The following ZSWIM8 variants were observed in gnomAD, a reference collection of about 807,000 sequenced individuals.
ZSWIM8 encodes the protein zinc finger SWIM-type containing 8.
A neutral mutation model predicts 173.7 loss-of-function variants in ZSWIM8; 27 were observed. The ratio of observed to expected loss-of-function variants is 0.16; its 90% CI spans 0.11 to 0.21. The LOEUF (loss-of-function observed/expected upper bound fraction) is 0.21. ZSWIM8 is among the 10% of genes least tolerant of loss of function. The probability of loss-of-function intolerance (pLI) is 1.00; values close to 1 mark genes in which losing one functional copy is unlikely to be tolerated. For missense variants in ZSWIM8, 1,627 were observed against 2,428.8 expected (o/e 0.67, Z 6.94); for synonymous variants, 958 against 962.0 (o/e 1.00, Z 0.08).
At position 73,792,438 on chromosome 10, in the gene ZSWIM8, G is replaced by A. The variant is rs1369062778; in HGVS notation, c.1899G>A (p.Glu633=). The A allele has an allele frequency of 1.2e-6, 2 of 1,606,010 alleles. No homozygotes were observed. The highest frequency in any genetic ancestry group is 8.5e-7 in the Non-Finnish European group (1 of 1,176,150). Residue 633 remains glutamate (E), a synonymous_variant, in exon 10 of 26, where the codon GAG becomes GAA. Transcript: ENST00000604729. This position sits in a 1 kb window ranked among gnomAD's most constrained non-coding sequence, Gnocchi z 4.3. ...ACAGCAGCCTGGCCCTGGGCGCAGA[G>A]GCCAGCACCTTCGGGGGATTCCCTG... ...LDDSSLALGA[E]ASTFGGFPES... is the part of the protein sequence containing the mutation.
Position 73,792,878 on chromosome 10 carries a change from T to C in ZSWIM8, c.2313+26T>C. 6.6e-7 allele frequency: 1 copy of C among 1,521,654 alleles called. No individual in the cohort carries two copies. Among genetic ancestry groups the C allele is most frequent in the Non-Finnish European group, 8.8e-7 (1 of 1,140,278 alleles). The allele number at this position is 1,521,654 out of a possible 1,614,324, so 94.3% of individuals were successfully genotyped here. On this transcript the variant is annotated intron_variant, in intron 10 of 25. Transcript: ENST00000604729. This position sits in a 1 kb window ranked among gnomAD's most constrained non-coding sequence, Gnocchi z 4.3. ...GTGAGGGGATGGAAGGAGGGAGGGC[T>C]GGGTGCTCCTTAGCCACAACTGGGA...
At position 73,800,888 on chromosome 10, in the gene ZSWIM8, G is replaced by A; in HGVS notation, c.5122+129G>A. On this transcript the variant is annotated intron_variant, in intron 24 of 25. Transcript: ENST00000604729. This position sits in a 1 kb window ranked among gnomAD's most constrained non-coding sequence, Gnocchi z 4.1. ...GGTCGGGTATGTGTGCGTGCGCGGG[G>A]GGCGGAGGGTTACCTCAGCTCCTGG... 1 of 1,197,002 alleles carries A rather than the reference G, an allele frequency of 8.4e-7. No homozygotes were observed. Among genetic ancestry groups the A allele is most frequent in the Non-Finnish European group, 1.2e-6 (1 of 852,854 alleles). The allele number at this position is 1,197,002 out of a possible 1,614,324, so 74.1% of individuals were successfully genotyped here.
rs759232614 is a variant in ZSWIM8, at chr10:73,789,587, C to G, written c.630+48C>G. On this transcript the variant is annotated intron_variant, in intron 4 of 25. Coordinates refer to ENST00000604729, the MANE Select transcript of ZSWIM8 (RefSeq NM_001367799.1). The surrounding 1 kb of genome is among the most constrained non-coding windows in gnomAD (Gnocchi z 6.8). ...CGGCCCTATCCTACACTCCATCCCCCCCTTCTCTGCTGCATGCCTGGCTAC... is the reference window on the plus strand; with the variant it reads ...CGGCCCTATCCTACACTCCATCCCCGCCTTCTCTGCTGCATGCCTGGCTAC... The G allele has an allele frequency of 8.2e-6, 13 of 1,590,132 alleles. No individual in the cohort carries two copies. Among genetic ancestry groups the G allele is most frequent in the Admixed American group, 5.2e-5 (3 of 57,584 alleles).
At position 73,797,471 on chromosome 10, in the gene ZSWIM8, C is replaced by T; in HGVS notation, c.3528C>T (p.Thr1176=). ...RRPLRGGWAP[T]SWGRGQDSDS... ...CACTTCGAGGGGGCTGGGCCCCCAC[C>T]TCCTGGGGTCGAGGTCAGGACAGTG... Residue 1176 remains threonine (T), a synonymous_variant, in exon 18 of 26, where the codon ACC becomes ACT. Coordinates refer to ENST00000604729, the MANE Select transcript of ZSWIM8 (RefSeq NM_001367799.1). This position sits in a 1 kb window ranked among gnomAD's most constrained non-coding sequence, Gnocchi z 5.6. The T allele has an allele frequency of 6.2e-7, 1 of 1,613,950 alleles. No homozygotes were observed. Among genetic ancestry groups the T allele is most frequent in the Non-Finnish European group, 8.5e-7 (1 of 1,179,876 alleles).
intron 7 of ZSWIM8, among the ~76,000 whole-genome samples, chr10:73,790,718 G>A (rs1286169015): frequency 1.3e-5 from 2 of 152,010 alleles, no homozygotes; most frequent in Non-Finnish European, 2.9e-5. Context: ...GCGTGGTGGC[G>A]GGCGCCTGTA....
Position 73,796,778 on chromosome 10 carries a change from T to C in ZSWIM8, c.3038T>C (p.Leu1013Ser). The change falls in exon 16 of 26, where the codon TTA (leucine) becomes TCA (serine). Residue 1013 changes from leucine to serine, a missense_variant. Physicochemically the swap from Leu to Ser is moderately radical, Grantham distance 145. This residue lies in a region of ZSWIM8 where 163 missense variants were observed against 193.2 expected (regional missense o/e 0.84). Transcript: ENST00000604729. Reference sequence around the variant, plus strand: ...GTCACTGCTTCTGTCTTCCAGATCTTAGACAAACTCTTGGACCGAGAGAGC... The same window carrying C: ...GTCACTGCTTCTGTCTTCCAGATCTCAGACAAACTCTTGGACCGAGAGAGC... ...KDDQAKLKKI[L>S]DKLLDRESQT... 1 of 1,613,060 alleles carries C rather than the reference T, an allele frequency of 6.2e-7. No individual in the cohort carries two copies. Among genetic ancestry groups the C allele is most frequent in the Non-Finnish European group, 8.5e-7 (1 of 1,179,858 alleles).
Position 73,785,950 on chromosome 10 carries a change from G to C in ZSWIM8, c.72G>C (p.Glu24Asp). 1.3e-6 allele frequency: 2 copies of C among 1,566,096 alleles called. No homozygotes were observed. The highest frequency in any genetic ancestry group is 1.7e-6 in the Non-Finnish European group (2 of 1,155,490). ...TCGAGGATTCGGACCGTTTTGAGGAGGATTCACTCTGTTCCTTCATCTCCG... is the reference window on the plus strand; with the variant it reads ...TCGAGGATTCGGACCGTTTTGAGGACGATTCACTCTGTTCCTTCATCTCCG... ...FSFEDSDRFE[E>D]DSLCSFISEA... Residue 24 changes from glutamate (E) to aspartate (D), a missense_variant, in exon 1 of 26, where the codon GAG becomes GAC. By Grantham distance (45) the Glu-to-Asp change is conservative. Coordinates refer to ENST00000604729, the MANE Select transcript of ZSWIM8 (RefSeq NM_001367799.1).
Position 73,800,892 on chromosome 10 carries a change from G to A in ZSWIM8, c.5123-125G>A, listed in dbSNP as rs570838631. ...GGGTATGTGTGCGTGCGCGGGGGGCGGAGGGTTACCTCAGCTCCTGGGGTG... is the reference window on the plus strand; with the variant it reads ...GGGTATGTGTGCGTGCGCGGGGGGCAGAGGGTTACCTCAGCTCCTGGGGTG... On this transcript the variant is annotated intron_variant, in intron 24 of 25. Coordinates refer to ENST00000604729, the MANE Select transcript of ZSWIM8 (RefSeq NM_001367799.1). The surrounding 1 kb of genome is among the most constrained non-coding windows in gnomAD (Gnocchi z 4.1). 14 of 1,211,872 alleles carry A rather than the reference G, an allele frequency of 1.2e-5. No homozygotes were observed. In the East Asian group the frequency reaches 1.5e-4, roughly 13 times the overall value. The allele number at this position is 1,211,872 out of a possible 1,614,324, so 75.1% of individuals were successfully genotyped here.
At position 73,797,104 on chromosome 10, in the gene ZSWIM8, C is replaced by G; in HGVS notation, c.3275-9C>G. On this transcript the variant is annotated splice_polypyrimidine_tract_variant and intron_variant, in intron 16 of 25. Transcript: ENST00000604729. The surrounding 1 kb of genome is among the most constrained non-coding windows in gnomAD (Gnocchi z 5.6). ...GGGCTCATCCCAGCGTCCTGTTTTC[C>G]TCACCTAGAGAGTTCCCCACATTCC... The G allele has an allele frequency of 6.2e-7, 1 of 1,613,396 alleles. No homozygotes were observed. Among genetic ancestry groups the G allele is most frequent in the Non-Finnish European group, 8.5e-7 (1 of 1,179,618 alleles).
In ZSWIM8 at chr10:73,798,026, A is replaced by G; in HGVS notation, c.3908A>G (p.Asn1303Ser). 1 of 1,613,988 alleles carries G rather than the reference A, an allele frequency of 6.2e-7. No individual in the cohort carries two copies. ...GGCCTGCACAACTTTGTTTCTCCCA[A>G]CTGGCTCTCACGTACTTATTCTTCC... ...ALGLHNFVSP[N>S]WLSRTYSSHV... Residue 1303 changes from asparagine to serine, a missense_variant, in exon 19 of 26, where the codon AAC becomes AGC. This residue lies in a region of ZSWIM8 where 95 missense variants were observed against 271.3 expected (regional missense o/e 0.35). Transcript: ENST00000604729.
In ZSWIM8 at chr10:73,791,733, A is replaced by G. The variant is rs1170291467; in HGVS notation, c.1320-126A>G. 1 of 1,341,098 alleles carries G rather than the reference A, an allele frequency of 7.5e-7. No individual in the cohort carries two copies. The highest frequency in any genetic ancestry group is 9.9e-7 in the Non-Finnish European group (1 of 1,009,778). 83.1% of individuals were successfully genotyped at this position (1,341,098 alleles called of 1,614,324 possible). ...ATTCTCCAGTGTTTCAGTGATGCTT[A>G]TGGGGCTGGGTCAAGAAGTACTTTC... On this transcript the variant is annotated intron_variant, in intron 9 of 25. Transcript: ENST00000604729. This position sits in a 1 kb window ranked among gnomAD's most constrained non-coding sequence, Gnocchi z 6.0.
intron 14 of ZSWIM8, among the ~76,000 whole-genome samples, 195 bp from the exon 15 acceptor site, chr10:73,795,344 T>C (rs2083589814): frequency 2.6e-5 from 4 of 152,166 alleles, no homozygotes; most frequent in Admixed American, 2.6e-4. Flanking sequence ...TTGGACCTGG[T>C]TATGAAGGTT....
chr10:73,801,112 C>G lies in ZSWIM8; in HGVS notation c.5218C>G (p.Leu1740Val). The G allele has an allele frequency of 1.3e-6, 2 of 1,580,600 alleles. No homozygotes were observed. The highest frequency in any genetic ancestry group is 1.7e-6 in the Non-Finnish European group (2 of 1,164,282). Residue 1740 changes from leucine (L) to valine (V), a missense_variant, in exon 25 of 26, where the codon CTG becomes GTG. This residue lies in a region of ZSWIM8 where 122 missense variants were observed against 196.1 expected (regional missense o/e 0.62). Transcript: ENST00000604729. The surrounding 1 kb of genome is among the most constrained non-coding windows in gnomAD (Gnocchi z 4.9). ...QEIVMETLQR[L>V]SPAHAHNHLR... ...GATCGTCATGGAGACGCTGCAGCGGCTGAGTCCCGCTCATGCCCACAACCA... is the reference window on the plus strand; with the variant it reads ...GATCGTCATGGAGACGCTGCAGCGGGTGAGTCCCGCTCATGCCCACAACCA...
chr10:73,785,832 GC>G lies in ZSWIM8; in HGVS notation c.-43del. On this transcript the variant is annotated 5_prime_UTR_variant, in exon 1 of 26. Transcript: ENST00000604729. ...CCTCAACCCCCGGCCGGCGGCCCAG[GC>G]CCCGGATCCGCGGGGGGGGACCCGG... The G allele has an allele frequency of 6.8e-7, 1 of 1,461,556 alleles. No individual in the cohort carries two copies. The highest frequency in any genetic ancestry group is 9.1e-7 in the Non-Finnish European group (1 of 1,104,364). 90.5% of individuals were successfully genotyped at this position (1,461,556 alleles called of 1,614,324 possible).
Position 73,792,502 on chromosome 10 carries a change from G to A in ZSWIM8, c.1963G>A (p.Gly655Ser). The change falls in exon 10 of 26, where the codon GGC (glycine) becomes AGC (serine). Residue 655 changes from glycine to serine, a missense_variant. Around this residue, in one of 18 missense-constraint regions of ZSWIM8, gnomAD observed 383 missense variants for 394.8 expected, o/e 0.97. Coordinates refer to ENST00000604729, the MANE Select transcript of ZSWIM8 (RefSeq NM_001367799.1). The surrounding 1 kb of genome is among the most constrained non-coding windows in gnomAD (Gnocchi z 4.3). The stretch of plus-strand genomic sequence containing the variant: ...CTGTCCTCTCCACGGTGGCTCCCGA[G>A]GCCCTTCCACTTTCCTTCCTGAGCC... ...PPCPLHGGSR[G>S]PSTFLPEPPD... 6.2e-7 allele frequency: 1 copy of A among 1,613,586 alleles called. No individual in the cohort carries two copies. The highest frequency in any genetic ancestry group is 8.5e-7 in the Non-Finnish European group (1 of 1,179,698).
rs770147510 is a variant in ZSWIM8, at chr10:73,794,566, C to T, written c.2835C>T (p.Pro945=). 8.3e-6 allele frequency: 13 copies of T among 1,561,250 alleles called. No individual in the cohort carries two copies. The East Asian group carries it at 1.2e-4, about 14-fold the overall frequency. Residue 945 remains proline (P), a synonymous_variant, in exon 14 of 26, where the codon CCC becomes CCT. Coordinates refer to ENST00000604729, the MANE Select transcript of ZSWIM8 (RefSeq NM_001367799.1). ...APVVSPTGSR[P]PSRNWNSETP... Reference sequence around the variant, plus strand: ...TGGTTTCTCCCACAGGTTCCCGGCCCCCAAGTCGCAACTGGAACAGCGAGA... The same window carrying T: ...TGGTTTCTCCCACAGGTTCCCGGCCTCCAAGTCGCAACTGGAACAGCGAGA...
Position 73,800,625 on chromosome 10 carries a change from T to TTATCTATC in ZSWIM8, c.5003-13_5003-6dup, listed in dbSNP as rs3830467. 24 of 1,611,026 alleles carry TTATCTATC rather than the reference T, an allele frequency of 1.5e-5. No homozygotes were observed. In the South Asian group the frequency reaches 2.2e-4, roughly 15 times the overall value. On this transcript the variant is annotated splice_polypyrimidine_tract_variant and intron_variant, in intron 23 of 25. Transcript: ENST00000604729. This position sits in a 1 kb window ranked among gnomAD's most constrained non-coding sequence, Gnocchi z 4.1. ...GATACACCGTACCATGTGCCCACCC[T>TTATCTATC]TATCTATCTCCCAGGAATGCTGGCA...
Position 73,792,209 on chromosome 10 carries a change from C to T in ZSWIM8, c.1670C>T (p.Pro557Leu), listed in dbSNP as rs773185403. The T allele has an allele frequency of 6.5e-7, 1 of 1,541,840 alleles. No homozygotes were observed. The highest frequency in any genetic ancestry group is 1.3e-5 in the South Asian group (1 of 79,210). Residue 557 changes from proline (P) to leucine (L), a missense_variant, in exon 10 of 26, where the codon CCC becomes CTC. By Grantham distance (98) the Pro-to-Leu change is moderately conservative. This residue lies in a region of ZSWIM8 where 383 missense variants were observed against 394.8 expected (regional missense o/e 0.97). Coordinates refer to ENST00000604729, the MANE Select transcript of ZSWIM8 (RefSeq NM_001367799.1). This position sits in a 1 kb window ranked among gnomAD's most constrained non-coding sequence, Gnocchi z 4.3. ...TKRKGLGEGV[P>L]SSQRGPRRLS... The stretch of plus-strand genomic sequence containing the variant: ...CGAAAGGGCTTGGGTGAGGGGGTCC[C>T]CTCATCACAGCGGGGTCCCCGCCGC...
chr10:73,792,786 C>T lies in ZSWIM8; in HGVS notation c.2247C>T (p.Gly749=), dbSNP rs762888165. The T allele has an allele frequency of 6.8e-6, 11 of 1,606,570 alleles. No homozygotes were observed. Among genetic ancestry groups the T allele is most frequent in the South Asian group, 4.4e-5 (4 of 90,710 alleles). The stretch of plus-strand genomic sequence containing the variant: ...GGGGCGAGGAAGAGAAGGCCGAGGG[C>T]GGGGCTGGGGAGGAGCACGACCTGT... ...GAGGEEEKAE[G]GAGEEHDLFA... Residue 749 remains glycine, a synonymous_variant, in exon 10 of 26, where the codon GGC becomes GGT. Transcript: ENST00000604729. The surrounding 1 kb of genome is among the most constrained non-coding windows in gnomAD (Gnocchi z 4.3).
Sources: gnomAD v4.1 joint callset for allele counts (sites outside exome capture counted in the v4.1 genomes callset) on GRCh38, gnomAD v4.1.1 for gene constraint, gnomAD v4.1.1 regional missense constraint, Gnocchi (gnomAD v3.1) non-coding constraint, MANE v1.5 for transcripts, NCBI Gene and HGNC (gene_info 2026-07-23, HGNC 2026-07-21) for gene names.